The following BCAS3 variants were observed in gnomAD, a reference collection of about 807,000 sequenced individuals.
The protein encoded by BCAS3 is BCAS3 microtubule associated cell migration factor.
BCAS3 carries 53 observed loss-of-function variants against 116.1 expected under a neutral mutation model. The observed-to-expected ratio is 0.46, with a 90% CI of 0.37 to 0.57. The LOEUF is 0.57. Among genes scored for constraint, BCAS3 ranks in the 20% least tolerant of loss-of-function variants. The probability of loss-of-function intolerance (pLI) is 0.00; values close to 1 mark genes in which losing one functional copy is unlikely to be tolerated. For synonymous variants in BCAS3, 391 were observed against 408.2 expected, an observed-to-expected ratio of 0.96 and a Z score of 0.51; for missense variants, 917 against 1,165.4, an observed-to-expected ratio of 0.79 and a Z score of 3.10.
chr17:61,238,605 C>T (rs2083251862), intron 22 of BCAS3, among the ~76,000 whole-genome samples: 1 of 152,098 alleles, frequency 6.6e-6, no homozygotes, highest in African/African-American at 2.4e-5. Context: ...TATGGTAGTG[C>T]AGAGCTGGCT....
intron 8 of BCAS3, among the ~76,000 whole-genome samples, chr17:60,872,021 A>G (rs2055150645): frequency 6.6e-6 from 1 of 151,996 alleles, no homozygotes; most frequent in African/African-American, 2.4e-5. Context: ...TCCTTTGTTA[A>G]TAGTGATATT....
chr17:61,367,331 C>A lies in BCAS3; in HGVS notation c.2426-996C>A, dbSNP rs951724975. ...ACAGAGCGTGACTATAATCTCCTTC[C>A]GAGAGAGAGTGGATGAAATAAGCTT... On this transcript the variant is annotated intron_variant, in intron 22 of 23. Coordinates refer to ENST00000407086, the MANE Select transcript of BCAS3 (RefSeq NM_017679.5). This position sits in a 1 kb window ranked among gnomAD's most constrained non-coding sequence, Gnocchi z 6.2. 1.4e-4 allele frequency among the ~76,000 whole-genome samples: 21 copies of A among 152,122 alleles called. No individual in the cohort carries two copies. The highest frequency in any genetic ancestry group is 5.1e-4 in the African/African-American group (21 of 41,420).
chr17:61,050,452 G>T (rs556472742), intron 19 of BCAS3, among the ~76,000 whole-genome samples: 3 of 151,976 alleles, frequency 2.0e-5, no homozygotes, highest in Admixed American at 1.3e-4. Flanking sequence ...GGCCAGGGGG[G>T]TGGGAAATGG....
At chr17:60,769,410 C>T (rs774722515) in intron 6 of BCAS3, among the ~76,000 whole-genome samples, 10 of 152,128 alleles carry the variant, frequency 6.6e-5, no homozygotes, top group African/African-American at 1.7e-4. Flanking sequence ...CCTGCAGTAG[C>T]GGAGGTGGGC....
At chr17:61,148,429 G>T (rs1160090705) in intron 22 of BCAS3, among the ~76,000 whole-genome samples, 1 of 152,174 alleles carries the variant, frequency 6.6e-6, no homozygotes, top group African/African-American at 2.4e-5. Context: ...TACACTGGCT[G>T]GATTTAAGTG....
chr17:60,930,957 T>C (rs2059615527), intron 13 of BCAS3, among the ~76,000 whole-genome samples: 1 of 152,218 alleles, frequency 6.6e-6, no homozygotes, highest in South Asian at 2.1e-4. Context: ...GTGGCATACA[T>C]TTCTGTCTTG....
In BCAS3 at chr17:61,239,934, T is replaced by C. The variant is rs57395851; in HGVS notation, c.2426-128393T>C. ...CAGGTATGTGAAGCCATAATTGTTG[T>C]GTTGGAAGTTCTCAGCCCTAAAAGT... On this transcript the variant is annotated intron_variant, in intron 22 of 23. Transcript: ENST00000407086. The surrounding 1 kb of genome is among the most constrained non-coding windows in gnomAD (Gnocchi z 4.2). 0.047 allele frequency among the ~76,000 whole-genome samples: 7,129 copies of C among 152,326 alleles called. 206 individuals carry two copies. Among genetic ancestry groups the C allele is most frequent in the Non-Finnish European group, 0.052 (3,537 of 68,032 alleles).
At chr17:60,915,298 T>C (rs1179840971) in intron 12 of BCAS3, among the ~76,000 whole-genome samples, 1 of 152,200 alleles carries the variant, frequency 6.6e-6, no homozygotes, top group African/African-American at 2.4e-5. Context: ...TGATACACTC[T>C]GTTAACTAGG....
At chr17:60,988,956 T>G (rs924326969) in intron 14 of BCAS3, among the ~76,000 whole-genome samples, 5 of 152,072 alleles carry the variant, frequency 3.3e-5, no homozygotes, top group African/African-American at 1.2e-4. Flanking sequence ...TTCTATTTCT[T>G]TAAGATGCAT....
chr17:60,866,478 A>G (rs1297480354), intron 7 of BCAS3, among the ~76,000 whole-genome samples: 8 of 152,156 alleles, frequency 5.3e-5, no homozygotes, highest in African/African-American at 1.9e-4. Context: ...TATGAGACAT[A>G]TAGATATACA....
At chr17:60,847,614 A>G (rs1265246354) in intron 7 of BCAS3, among the ~76,000 whole-genome samples, 2 of 152,176 alleles carry the variant, frequency 1.3e-5, no homozygotes, top group Non-Finnish European at 2.9e-5. Context: ...CTTTGTGCAC[A>G]TGTTGACCAT....
At chr17:60,683,505 C>CTTT (rs138663451) in intron 2 of BCAS3, among the ~76,000 whole-genome samples, 6 of 44,484 alleles carry the variant, frequency 1.3e-4, no homozygotes, top group Non-Finnish European at 1.7e-4. Flanking sequence ...AAGAGTTAGC[C>CTTT]TTTTTTTTTT....
intron 22 of BCAS3, among the ~76,000 whole-genome samples, chr17:61,267,233 A>AT (rs1361457559): frequency 6.8e-6 from 1 of 146,402 alleles, no homozygotes; most frequent in Non-Finnish European, 1.5e-5. Flanking sequence ...AATTTTTTGT[A>AT]TTTTTAGTAG....
chr17:61,076,779 T>A (rs915637383), intron 20 of BCAS3, among the ~76,000 whole-genome samples: 1 of 152,216 alleles, frequency 6.6e-6, no homozygotes, highest in East Asian at 1.9e-4. Flanking sequence ...CAGAATGCTT[T>A]ATCTGTGGCC....
Position 61,381,992 on chromosome 17 carries a change from T to C in BCAS3, c.2594-9985T>C, listed in dbSNP as rs1014747169. 6.6e-6 allele frequency among the ~76,000 whole-genome samples: 1 copy of C among 152,130 alleles called. No homozygotes were observed. Among genetic ancestry groups the C allele is most frequent in the Non-Finnish European group, 1.5e-5 (1 of 68,044 alleles). On this transcript the variant is annotated intron_variant, in intron 23 of 23. Transcript: ENST00000407086. The surrounding 1 kb of genome is among the most constrained non-coding windows in gnomAD (Gnocchi z 6.0). ...ATAAGTCATTAACTTTCAGGACAGC[T>C]TGTTTCAAAATGAAAAATACCCCCA...
At position 61,170,192 on chromosome 17, in the gene BCAS3, G is replaced by A. The variant is rs141136658; in HGVS notation, c.2425+85628G>A. Among the ~76,000 whole-genome samples, 1,121 of 151,888 alleles carry A rather than the reference G, an allele frequency of 7.4e-3. 37 individuals are homozygous for A. The highest frequency in any genetic ancestry group is 0.05 in the Admixed American group (766 of 15,262). On this transcript the variant is annotated intron_variant, in intron 22 of 23. Transcript: ENST00000407086. ...TAATCAGTTGGGTATTCCACACATC[G>A]AATTACACAAGGCCTTCAATAAATG... is the stretch of plus-strand genomic sequence containing the variant.
chr17:61,234,904 T>TTTAC (rs2082913616), intron 22 of BCAS3, among the ~76,000 whole-genome samples: 1 of 151,982 alleles, frequency 6.6e-6, no homozygotes, highest in Admixed American at 6.6e-5. Flanking sequence ...TATTTATTTA[T>TTTAC]TGAGACGGAG....
chr17:61,248,849 C>G lies in BCAS3; in HGVS notation c.2426-119478C>G, dbSNP rs748097821. ...TATTCACCTTTTACACTTCAAACCA[C>G]TTGGAGTATCTTAAAGAAGTAGTAT... is the stretch of plus-strand genomic sequence containing the variant. On this transcript the variant is annotated intron_variant, in intron 22 of 23. Coordinates refer to ENST00000407086, the MANE Select transcript of BCAS3 (RefSeq NM_017679.5). The surrounding 1 kb of genome is among the most constrained non-coding windows in gnomAD (Gnocchi z 4.3). Among the ~76,000 whole-genome samples the G allele has an allele frequency of 1.3e-5, 2 of 152,216 alleles. No homozygotes were observed. The highest frequency in any genetic ancestry group is 2.9e-5 in the Non-Finnish European group (2 of 68,040).
chr17:60,971,590 G>A (rs1362748908), intron 14 of BCAS3, among the ~76,000 whole-genome samples: 1 of 152,158 alleles, frequency 6.6e-6, no homozygotes, highest in Non-Finnish European at 1.5e-5. Flanking sequence ...GCATCATCAG[G>A]TTTCATCTTA....
Sources: allele counts gnomAD v4.1 joint callset (sites outside exome capture counted in the v4.1 genomes callset), GRCh38; gene constraint gnomAD v4.1.1; non-coding constraint Gnocchi (gnomAD v3.1); transcripts MANE v1.5; gene names NCBI Gene and HGNC (gene_info 2026-07-23, HGNC 2026-07-21).